ATP6V0A4: variants seen among roughly 807,000 people sequenced by gnomAD.
ATP6V0A4 encodes ATPase H+ transporting V0 subunit a4, also known as V-type proton ATPase 116 kDa subunit a 4.
A neutral mutation model predicts 107.3 loss-of-function variants in ATP6V0A4; 86 were observed. That is an observed-to-expected ratio of 0.80 (90% CI 0.67 to 0.96). The LOEUF (loss-of-function observed/expected upper bound fraction) is 0.96, where lower values mean the gene tolerates loss of function less well. Among genes scored for constraint, ATP6V0A4 ranks in the 40% least tolerant of loss-of-function variants. The probability of loss-of-function intolerance (pLI) is 0.00; values close to 1 mark genes in which losing one functional copy is unlikely to be tolerated. For missense variants in ATP6V0A4, 908 were observed against 1,045.6 expected (o/e 0.87, Z 1.81); for synonymous variants, 353 against 381.4 (o/e 0.93, Z 0.87).
At chr7:138,742,915 A>AAAAG (rs3080540) in intron 14 of ATP6V0A4, among the ~76,000 whole-genome samples, 1 of 151,542 alleles carries the variant, frequency 6.6e-6, no homozygotes, top group East Asian at 1.9e-4. Context: ...AAAAAAAAAA[A>AAAAG]TCACAGATAT....
intron 4 of ATP6V0A4, 146 bp downstream of exon 4, chr7:138,769,027 C>T (rs560994276): frequency 6.4e-7 from 1 of 1,566,338 alleles, no homozygotes; most frequent in South Asian, 1.1e-5. Context: ...CCCCAACCTC[C>T]CCCATTCCCT....
chr7:138,772,812 T>G (rs1459909864), intron 2 of ATP6V0A4, among the ~76,000 whole-genome samples: 3 of 152,140 alleles, frequency 2.0e-5, no homozygotes, highest in Admixed American at 1.3e-4. Flanking sequence ...TCCTGAACAT[T>G]TCTCCATTCC....
At chr7:138,788,973 A>T (rs1195575994) in intron 1 of ATP6V0A4, among the ~76,000 whole-genome samples, 1 of 152,156 alleles carries the variant, frequency 6.6e-6, no homozygotes, top group Non-Finnish European at 1.5e-5. Context: ...GTGAGAACAG[A>T]TTAATTCAGA....
At chr7:138,709,542 G>C in intron 21 of ATP6V0A4, 82 bp downstream of exon 21, 1 of 1,360,292 alleles carries the variant, frequency 7.4e-7, no homozygotes, top group Non-Finnish European at 1.0e-6. Flanking sequence ...TACAGCTCAC[G>C]ATCTGAACCC....
chr7:138,782,528 A>C (rs1232248605), intron 2 of ATP6V0A4, among the ~76,000 whole-genome samples: 1 of 152,254 alleles, frequency 6.6e-6, no homozygotes. Flanking sequence ...TGGAGGTCCA[A>C]GCCTGAATAC....
intron 18 of ATP6V0A4, among the ~76,000 whole-genome samples, chr7:138,725,176 G>A (rs1021731237): frequency 4.6e-5 from 7 of 152,176 alleles, no homozygotes; most frequent in Non-Finnish European, 8.8e-5. Context: ...GGAGGCTGAG[G>A]TGGGAGGATT....
At position 138,733,081 on chromosome 7, in the gene ATP6V0A4, TC is replaced by T. The variant is rs1158769011; in HGVS notation, c.1703del (p.Arg568LysfsTer13). On this transcript the variant is annotated frameshift_variant, in exon 17 of 22. Coordinates refer to ENST00000310018, the MANE Select transcript of ATP6V0A4 (RefSeq NM_020632.3). LOFTEE classifies it high-confidence loss of function. ...TAAATTGCAGAATGATGTTGAGAGT[TC>T]TTCTGAAGTATCTGGGGGTGGAAGA... Reference protein sequence around the residue: ...LSLFNHIYFRRTLNIILQFIP... With the variant: ...LSLFNHIYFRXTLNIILQFIP... 6.2e-7 allele frequency: 1 copy of T among 1,613,818 alleles called. No individual in the cohort carries two copies. Among genetic ancestry groups the T allele is most frequent in the Non-Finnish European group, 8.5e-7 (1 of 1,179,874 alleles).
At chr7:138,787,584 C>T (rs958183241) in intron 1 of ATP6V0A4, among the ~76,000 whole-genome samples, 4 of 151,890 alleles carry the variant, frequency 2.6e-5, no homozygotes, top group Non-Finnish European at 5.9e-5. Context: ...CCCAGGAGTT[C>T]GAGGCTGTAA....
intron 1 of ATP6V0A4, among the ~76,000 whole-genome samples, chr7:138,789,968 CAAAAAAAAAAAAAA>C (rs34413519): frequency 1.6e-5 from 2 of 126,738 alleles, no homozygotes; most frequent in Non-Finnish European, 3.5e-5. Context: ...GACTCTGTCT[CAAAAAAAAAAAAAA>C]AAAAAAAAGT....
intron 14 of ATP6V0A4, among the ~76,000 whole-genome samples, chr7:138,741,207 T>C (rs1430689885): frequency 6.6e-6 from 1 of 152,128 alleles, no homozygotes; most frequent in Non-Finnish European, 1.5e-5. Context: ...CAGACAGTCT[T>C]GACAGGCTGC....
At chr7:138,783,606 G>T (rs1371422622) in intron 2 of ATP6V0A4, among the ~76,000 whole-genome samples, 3 of 151,854 alleles carry the variant, frequency 2.0e-5, no homozygotes, top group Non-Finnish European at 2.9e-5. Context: ...CACACTTGTA[G>T]TCCCAGCTAC....
chr7:138,752,152 C>T (rs1010607893), intron 11 of ATP6V0A4, among the ~76,000 whole-genome samples: 3 of 152,048 alleles, frequency 2.0e-5, no homozygotes, highest in Non-Finnish European at 4.4e-5. Flanking sequence ...GGCGAATCAC[C>T]TGAGGTCAGG....
intron 18 of ATP6V0A4, 46 bp downstream of exon 18, chr7:138,728,715 C>T (rs1331569575): frequency 6.2e-7 from 1 of 1,612,578 alleles, no homozygotes; most frequent in Admixed American, 1.7e-5. Context: ...TCCAGAAACC[C>T]ACATTCTTAT....
rs1186656648 is a variant in ATP6V0A4, at chr7:138,752,796, C to T, written c.858G>A (p.Gln286=). The T allele has an allele frequency of 1.2e-6, 2 of 1,614,180 alleles. No homozygotes were observed. Among genetic ancestry groups the T allele is most frequent in the Non-Finnish European group, 1.7e-6 (2 of 1,180,030 alleles). ...AGGAGTGCCAGTTGGCAGCGGCTTC[C>T]TGCAGCAGGCGCTGGCGGTGAGACT... ...QTESHRQRLL[Q]EAAANWHSWL... The change falls in exon 11 of 22, where the codon CAG becomes CAA. Residue 286 remains glutamine, a synonymous_variant. Transcript: ENST00000310018.
intron 5 of ATP6V0A4, among the ~76,000 whole-genome samples, chr7:138,766,145 T>C (rs549607050): frequency 1.3e-5 from 2 of 152,162 alleles, no homozygotes. Flanking sequence ...GCCCCTTATC[T>C]ATTCCTACAA....
At chr7:138,722,455 A>G (rs1227304525) in intron 18 of ATP6V0A4, among the ~76,000 whole-genome samples, 1 of 152,094 alleles carries the variant, frequency 6.6e-6, no homozygotes, top group Non-Finnish European at 1.5e-5. Flanking sequence ...ACTTGAGGTC[A>G]GGAGTCCAAG....
chr7:138,719,782 G>A (rs1804335190), intron 19 of ATP6V0A4, among the ~76,000 whole-genome samples: 1 of 152,198 alleles, frequency 6.6e-6, no homozygotes, highest in South Asian at 2.1e-4. Flanking sequence ...CACTTTGGGA[G>A]GCCGAGGTAG....
At chr7:138,765,086 C>T (rs4732329) in intron 5 of ATP6V0A4, among the ~76,000 whole-genome samples, 49,687 of 152,012 alleles carry the variant, frequency 0.33, 9,226 homozygotes, top group East Asian at 0.55. Context: ...TGAGCCACTG[C>T]GCCTGGCACA....
At chr7:138,738,152 T>G (rs113207283) in intron 15 of ATP6V0A4, among the ~76,000 whole-genome samples, 4,396 of 152,248 alleles carry the variant, frequency 0.029, 204 homozygotes, top group African/African-American at 0.1. Flanking sequence ...AGACCAGAAA[T>G]TTTCAAAATT....
Sources: allele counts gnomAD v4.1 joint callset (sites outside exome capture counted in the v4.1 genomes callset), GRCh38; gene constraint gnomAD v4.1.1; transcripts MANE v1.5; gene names NCBI Gene and HGNC (gene_info 2026-07-23, HGNC 2026-07-21).